Variants in WFDC11 observed in about 807,000 individuals in gnomAD.
The protein encoded by WFDC11 is protein WFDC11.
In WFDC11, 9 loss-of-function variants were observed where a neutral mutation model predicts 9.9. The ratio of observed to expected loss-of-function variants is 0.91; its 90% CI spans 0.55 to 1.58. The LOEUF is 1.58. Among genes scored for constraint, WFDC11 ranks in the 40% most tolerant of loss-of-function variants. WFDC11 has a pLI of 0.00. For missense variants in WFDC11, 106 were observed against 101.7 expected (o/e 1.04, Z -0.18); for synonymous variants, 32 against 33.3 (o/e 0.96, Z 0.13).
intron 2 of WFDC11, among the ~76,000 whole-genome samples, chr20:45,657,147 G>A (rs1353310566): frequency 6.6e-6 from 1 of 152,064 alleles, no homozygotes; most frequent in African/African-American, 2.4e-5. Context: ...TGTTTATTGA[G>A]GCACTATTCA....
At chr20:45,659,543 A>G (rs1346605955) in intron 2 of WFDC11, among the ~76,000 whole-genome samples, 1 of 152,072 alleles carries the variant, frequency 6.6e-6, no homozygotes, top group Non-Finnish European at 1.5e-5. Context: ...TCCTTCGCCT[A>G]CTTTTTGATG....
chr20:45,656,686 A>G (rs1281961282), intron 2 of WFDC11, among the ~76,000 whole-genome samples: 1 of 152,148 alleles, frequency 6.6e-6, no homozygotes, highest in Non-Finnish European at 1.5e-5. Flanking sequence ...CAATCTACCC[A>G]TCTGACAAAG....
chr20:45,654,176 T>C (rs1982870607), intron 2 of WFDC11, among the ~76,000 whole-genome samples: 1 of 152,172 alleles, frequency 6.6e-6, no homozygotes, highest in African/African-American at 2.4e-5. Flanking sequence ...ACCACATAGT[T>C]GGAAGTAAAG....
At chr20:45,649,131 T>C (rs1982747030) in intron 4 of WFDC11, 126 bp downstream of exon 4, 2 of 1,169,522 alleles carry the variant, frequency 1.7e-6, no homozygotes, top group Non-Finnish European at 1.2e-6. Context: ...TAAAGGGACA[T>C]TGTCTTCTGT....
At chr20:45,655,384 C>G (rs6065853) in intron 2 of WFDC11, among the ~76,000 whole-genome samples, 5 of 152,096 alleles carry the variant, frequency 3.3e-5, no homozygotes, top group East Asian at 3.9e-4. Flanking sequence ...ATTCAACAAC[C>G]CTTCATGCTA....
At chr20:45,666,368 C>T (rs1983188344) in intron 2 of WFDC11, among the ~76,000 whole-genome samples, 1 of 152,242 alleles carries the variant, frequency 6.6e-6, no homozygotes, top group Non-Finnish European at 1.5e-5. Context: ...CCCCCAACCC[C>T]TTGCCCTTCC....
In WFDC11 at chr20:45,649,273, A is replaced by G. The variant is rs1394339593; in HGVS notation, c.227T>C (p.Ile76Thr). Residue 76 changes from isoleucine (I) to threonine (T), a missense_variant, in exon 4 of 5, where the codon ATC (isoleucine) becomes ACC (threonine). Ile to Thr is a moderately conservative substitution (Grantham distance 89). Transcript: ENST00000324384. ...CCAACTCACGACGTTTATCCAGCAG[A>G]TGTTTCCACAATAGGTCCAGCAGCA... ...YTCCWTYCGN[I>T]CWINVETSGD... The G allele has an allele frequency of 2.5e-6, 4 of 1,613,940 alleles. No individual in the cohort carries two copies. The highest frequency in any genetic ancestry group is 3.4e-6 in the Non-Finnish European group (4 of 1,180,014).
Position 45,648,639 on chromosome 20 carries a change from G to T in WFDC11, c.*80C>A. On this transcript the variant is annotated 3_prime_UTR_variant, in exon 5 of 5. Transcript: ENST00000324384. ...TAAAAATAGACTGGTGTTCCTAAAAGTAGCCACAGGGTACTACTATGAGAC... is the reference window on the plus strand; with the variant it reads ...TAAAAATAGACTGGTGTTCCTAAAATTAGCCACAGGGTACTACTATGAGAC... The T allele has an allele frequency of 2.0e-6, 3 of 1,482,450 alleles. No individual in the cohort carries two copies. In the South Asian group the frequency reaches 3.5e-5, roughly 17 times the overall value. 91.8% of individuals were successfully genotyped at this position (1,482,450 alleles called of 1,614,324 possible). A position where few individuals can be genotyped will look rare whatever the true frequency, so the allele number is the denominator to read the frequency against.
At chr20:45,649,118 A>G in intron 4 of WFDC11, 139 bp downstream of exon 4, 1 of 1,051,858 alleles carries the variant, frequency 9.5e-7, no homozygotes, top group Non-Finnish European at 1.4e-6. Flanking sequence ...TTGCTTTCCA[A>G]GTTAAAGGGA....
chr20:45,650,431 A>C, intron 3 of WFDC11, 70 bp downstream of exon 3: 1 of 1,305,032 alleles, frequency 7.7e-7, no homozygotes, highest in Non-Finnish European at 1.1e-6. Flanking sequence ...GCGGACAATG[A>C]AACCCCCTCC....
At chr20:45,654,374 T>A (rs1982875339) in intron 2 of WFDC11, among the ~76,000 whole-genome samples, 1 of 152,198 alleles carries the variant, frequency 6.6e-6, no homozygotes, top group African/African-American at 2.4e-5. Flanking sequence ...AGATGTTCTT[T>A]GAAACCAATG....
At chr20:45,649,903 A>C (rs548245165) in intron 3 of WFDC11, among the ~76,000 whole-genome samples, 8 of 151,834 alleles carry the variant, frequency 5.3e-5, no homozygotes, top group Non-Finnish European at 1.2e-4. Flanking sequence ...TCAAATTCTT[A>C]TCTCTCTCAC....
chr20:45,649,122 A>T, intron 4 of WFDC11, 135 bp downstream of exon 4: 1 of 1,084,162 alleles, frequency 9.2e-7, no homozygotes, highest in Non-Finnish European at 1.3e-6. Flanking sequence ...TTTCCAAGTT[A>T]AAGGGACATT....
chr20:45,668,996 C>T lies in WFDC11; in HGVS notation c.-134+1182G>A, dbSNP rs80044599. 4.9e-3 allele frequency among the ~76,000 whole-genome samples: 740 copies of T among 152,202 alleles called. 4 individuals carry two copies. The highest frequency in any genetic ancestry group is 7.4e-3 in the Non-Finnish European group (502 of 68,026). On this transcript the variant is annotated intron_variant, in intron 1 of 4. Transcript: ENST00000324384. ...CTCTCTTCATAATGTTTAGGCTATA[C>T]TTGCACCAACAAAGAAATGGTCTGA...
intron 2 of WFDC11, among the ~76,000 whole-genome samples, chr20:45,650,873 T>G (rs1018678013): frequency 1.3e-5 from 2 of 152,232 alleles, no homozygotes. Context: ...GTTGCCTTAT[T>G]TTGATTAAAA....
At chr20:45,662,803 G>T (rs542551061) in intron 2 of WFDC11, among the ~76,000 whole-genome samples, 2 of 152,190 alleles carry the variant, frequency 1.3e-5, no homozygotes, top group Non-Finnish European at 2.9e-5. Context: ...TTTTTGATGT[G>T]CTGCTGGATT....
At chr20:45,657,016 T>A (rs1291415548) in intron 2 of WFDC11, among the ~76,000 whole-genome samples, 3 of 152,168 alleles carry the variant, frequency 2.0e-5, no homozygotes, top group African/African-American at 2.4e-5. Flanking sequence ...ATTGTGGAAG[T>A]CAGTGTGGAG....
At chr20:45,657,114 C>T (rs1179446940) in intron 2 of WFDC11, among the ~76,000 whole-genome samples, 1 of 152,114 alleles carries the variant, frequency 6.6e-6, no homozygotes, top group Non-Finnish European at 1.5e-5. Flanking sequence ...AATCATGCTG[C>T]TATAAAGACA....
At chr20:45,669,471 T>C (rs73908178) in intron 1 of WFDC11, among the ~76,000 whole-genome samples, 1,534 of 152,294 alleles carry the variant, frequency 0.01, 27 homozygotes, top group African/African-American at 0.035. Context: ...AGTGTACATA[T>C]CTTAATCCAA....
Sources: gnomAD v4.1 joint callset for allele counts (sites outside exome capture counted in the v4.1 genomes callset) on GRCh38, gnomAD v4.1.1 for gene constraint, MANE v1.5 for transcripts, NCBI Gene and HGNC (gene_info 2026-07-23, HGNC 2026-07-21) for gene names.